RPLP1: variants seen among roughly 807,000 people sequenced by gnomAD.
The protein encoded by RPLP1 is large ribosomal subunit protein P1.
RPLP1 carries 4 observed loss-of-function variants against 11.6 expected under a neutral mutation model. The observed-to-expected ratio is 0.34, with a 90% CI of 0.17 to 0.79. RPLP1 has a LOEUF of 0.79. Ranked by LOEUF, RPLP1 falls within the 30% of genes least tolerant of loss-of-function variation. RPLP1 has a pLI of 0.55. For missense variants in RPLP1, 133 were observed against 142.8 expected (o/e 0.93, Z 0.35); for synonymous variants, 54 against 52.2 (o/e 1.03, Z -0.15).
In RPLP1 at chr15:69,452,952, G is replaced by A. The variant is rs11554447; in HGVS notation, c.4G>A (p.Ala2Thr). The A allele has an allele frequency of 6.3e-7, 1 of 1,576,402 alleles. No individual in the cohort carries two copies. The highest frequency in any genetic ancestry group is 1.4e-5 in the African/African-American group (1 of 73,780). The stretch of plus-strand genomic sequence containing the variant: ...CAGCCCTACACTCGCCCGCGCCATG[G>A]CCTCTGTCTCCGAGCTCGCCTGCAT... The part of the protein sequence containing the change: M[A>T]SVSELACIYS... Residue 2 changes from alanine to threonine, a missense_variant, in exon 1 of 4, where the codon GCC (alanine) becomes ACC (threonine). Ala to Thr is a moderately conservative substitution (Grantham distance 58). Coordinates refer to ENST00000260379, the MANE Select transcript of RPLP1 (RefSeq NM_001003.3).
At chr15:69,453,047 G>T (rs1200225390) in intron 1 of RPLP1, 27 bp downstream of exon 1, 3 of 1,546,122 alleles carry the variant, frequency 1.9e-6, no homozygotes, top group Admixed American at 3.9e-5. Flanking sequence ...GCCGGCGGCC[G>T]GGCTGCCTGT....
chr15:69,455,767 CTT>C lies in RPLP1; in HGVS notation c.*262_*263del. On this transcript the variant is annotated 3_prime_UTR_variant, in exon 4 of 4. Transcript: ENST00000260379. ...GCAGGAGGAAGGATCAGAGCAGATGCTTTGTCCAGGTTACCTGTGTAAACTTG... is the reference window on the plus strand; with the variant it reads ...GCAGGAGGAAGGATCAGAGCAGATGCTGTCCAGGTTACCTGTGTAAACTTG... The C allele has an allele frequency of 2.1e-6, 1 of 472,170 alleles. No individual in the cohort carries two copies. Among genetic ancestry groups the C allele is most frequent in the African/African-American group, 1.9e-5 (1 of 51,442 alleles). The allele number at this position is 472,170 out of a possible 1,614,324, so 29.2% of individuals were successfully genotyped here.
In RPLP1 at chr15:69,455,188, A is replaced by G. The variant is rs775980070; in HGVS notation, c.166A>G (p.Ile56Val). 2 of 1,597,138 alleles carry G rather than the reference A, an allele frequency of 1.3e-6. No homozygotes were observed. Among genetic ancestry groups the G allele is most frequent in the East Asian group, 2.2e-5 (1 of 44,666 alleles). ...LFAKALANVN[I>V]GSLICNVGAG... ...ATTGCAGGCCCTGGCCAACGTCAAC[A>G]TTGGGAGCCTCATCTGCAATGTAGG... Residue 56 changes from isoleucine to valine, a missense_variant, in exon 3 of 4, where the codon ATT (isoleucine) becomes GTT (valine). Coordinates refer to ENST00000260379, the MANE Select transcript of RPLP1 (RefSeq NM_001003.3).
At chr15:69,454,397 G>A (rs1315193465) in intron 2 of RPLP1, 1 of 152,314 alleles carries the variant, frequency 6.6e-6, no homozygotes, top group Non-Finnish European at 1.5e-5. Context: ...TGGGTTTAGC[G>A]GACTTCATTG....
At position 69,453,667 on chromosome 15, in the gene RPLP1, CATT is replaced by C. The variant is rs1892388151; in HGVS notation, c.95_97del (p.Ile32del). The C allele has an allele frequency of 6.2e-7, 1 of 1,613,990 alleles. No individual in the cohort carries two copies. Among genetic ancestry groups the C allele is most frequent in the African/African-American group, 1.3e-5 (1 of 74,920 alleles). ...TGTAGGAGGATAAGATCAATGCCCTCATTAAAGCAGCCGGTGTAAATGTTGAGC... is the reference window on the plus strand; with the variant it reads ...TGTAGGAGGATAAGATCAATGCCCTCAAAGCAGCCGGTGTAAATGTTGAGC... On this transcript the variant is annotated inframe_deletion, in exon 2 of 4. Transcript: ENST00000260379.
rs1436751951 is a variant in RPLP1 at position 69,452,823 on chromosome 15, T to C, written c.-126T>C. 8.1e-6 allele frequency: 7 copies of C among 867,160 alleles called. No homozygotes were observed. The highest frequency in any genetic ancestry group is 2.7e-5 in the East Asian group (1 of 37,570). 53.7% of individuals were successfully genotyped at this position (867,160 alleles called of 1,614,324 possible). A position where few individuals can be genotyped will look rare whatever the true frequency, so the allele number is the denominator to read the frequency against. On this transcript the variant is annotated 5_prime_UTR_variant, in exon 1 of 4. Coordinates refer to ENST00000260379, the MANE Select transcript of RPLP1 (RefSeq NM_001003.3). ...GCTGCGTATAGGCGCGAGAGCCCCT[T>C]TCCTCAGCTGCCGCCAAGGTGCTCG...
intron 2 of RPLP1, 178 bp downstream of exon 2, chr15:69,453,899 C>G (rs915881421): frequency 1.3e-5 from 8 of 613,680 alleles, no homozygotes; most frequent in East Asian, 2.8e-5. Context: ...TCAAGTCTTA[C>G]GTTTCCTTAT....
In RPLP1 at chr15:69,452,845, C is replaced by T. The variant is rs914639118; in HGVS notation, c.-104C>T. 4 of 1,085,602 alleles carry T rather than the reference C, an allele frequency of 3.7e-6. No individual in the cohort carries two copies. Among genetic ancestry groups the T allele is most frequent in the Admixed American group, 2.0e-5 (1 of 50,000 alleles). The allele number at this position is 1,085,602 out of a possible 1,614,324, so 67.2% of individuals were successfully genotyped here. A position where few individuals can be genotyped will look rare whatever the true frequency, so the allele number is the denominator to read the frequency against. On this transcript the variant is annotated 5_prime_UTR_variant, in exon 1 of 4. Transcript: ENST00000260379. ...CCTTTCCTCAGCTGCCGCCAAGGTGCTCGGTCCTTCCGAGGAAGCTAAGGC... is the reference window on the plus strand; with the variant it reads ...CCTTTCCTCAGCTGCCGCCAAGGTGTTCGGTCCTTCCGAGGAAGCTAAGGC...
At position 69,452,903 on chromosome 15, in the gene RPLP1, G is replaced by A; in HGVS notation, c.-46G>A. On this transcript the variant is annotated 5_prime_UTR_variant, in exon 1 of 4. Transcript: ENST00000260379. ...GGGTGAGGCCCTCACTTCATCCGGCGACTAGCACCGCGTCCGGCAGCGCCA... is the reference window on the plus strand; with the variant it reads ...GGGTGAGGCCCTCACTTCATCCGGCAACTAGCACCGCGTCCGGCAGCGCCA... 1 of 1,536,298 alleles carries A rather than the reference G, an allele frequency of 6.5e-7. No homozygotes were observed.
intron 1 of RPLP1, chr15:69,453,382 G>A: frequency 1.7e-6 from 1 of 583,204 alleles, no homozygotes; most frequent in Non-Finnish European, 3.0e-6. Flanking sequence ...AATTCCCCCG[G>A]TCGTGGAGGA....
chr15:69,453,229 G>T, intron 1 of RPLP1: 3 of 597,610 alleles, frequency 5.0e-6, no homozygotes, highest in East Asian at 2.8e-5. Context: ...GGCCCAGCGG[G>T]CATGGAGTGC....
chr15:69,453,037 G>C lies in RPLP1; in HGVS notation c.72+17G>C. The C allele has an allele frequency of 6.4e-7, 1 of 1,551,136 alleles. No homozygotes were observed. The highest frequency in any genetic ancestry group is 8.7e-7 in the Non-Finnish European group (1 of 1,148,652). The stretch of plus-strand genomic sequence containing the variant: ...ACAGTCACGGTGAGTGCGGGCGCGG[G>C]CCGGCGGCCGGGCTGCCTGTGGGCG... On this transcript the variant is annotated intron_variant, in intron 1 of 3. Coordinates refer to ENST00000260379, the MANE Select transcript of RPLP1 (RefSeq NM_001003.3).
chr15:69,453,637 T>C lies in RPLP1; in HGVS notation c.73-10T>C, dbSNP rs1377847679. The C allele has an allele frequency of 2.5e-6, 4 of 1,613,846 alleles. No homozygotes were observed. The African/African-American group carries it at 5.3e-5, about 22-fold the overall frequency. On this transcript the variant is annotated splice_polypyrimidine_tract_variant and intron_variant, in intron 1 of 3. Transcript: ENST00000260379. ...ACGTTTTGATGGATTGACGTTTTTA[T>C]TTGTTGTAGGAGGATAAGATCAATG...
chr15:69,453,094 T>C, intron 1 of RPLP1, 74 bp downstream of exon 1: 1 of 1,362,086 alleles, frequency 7.3e-7, no homozygotes. Context: ...GGTTCCCGGC[T>C]CCAGGCCGTT....
chr15:69,452,984 G>A lies in RPLP1; in HGVS notation c.36G>A (p.Ser12=), dbSNP rs931885025. Residue 12 remains serine (S), a synonymous_variant, in exon 1 of 4, where the codon TCG becomes TCA. Transcript: ENST00000260379. The part of the protein sequence containing the change: ...ASVSELACIY[S]ALILHDDEVT... ...TCTCCGAGCTCGCCTGCATCTACTCGGCCCTCATTCTGCACGACGATGAGG... is the reference window on the plus strand; with the variant it reads ...TCTCCGAGCTCGCCTGCATCTACTCAGCCCTCATTCTGCACGACGATGAGG... The A allele has an allele frequency of 1.3e-6, 2 of 1,578,576 alleles. No individual in the cohort carries two copies. Among genetic ancestry groups the A allele is most frequent in the Admixed American group, 3.6e-5 (2 of 55,558 alleles).
At chr15:69,453,164 C>T (rs1455709561) in intron 1 of RPLP1, 144 bp downstream of exon 1, 6 of 771,068 alleles carry the variant, frequency 7.8e-6, no homozygotes, top group Middle Eastern at 3.7e-4. Flanking sequence ...GGCGGGCGCT[C>T]CTCGGGGCTG....
intron 1 of RPLP1, chr15:69,453,435 A>T: frequency 1.6e-6 from 1 of 617,838 alleles, no homozygotes; most frequent in Non-Finnish European, 2.8e-6. Context: ...TTGTAACTTA[A>T]AAATAGCCGC....
At chr15:69,453,812 C>T (rs1892390512) in intron 2 of RPLP1, 91 bp downstream of exon 2, 8 of 1,283,702 alleles carry the variant, frequency 6.2e-6, no homozygotes, top group South Asian at 3.6e-5. Flanking sequence ...GGTGCCATAA[C>T]GCCCCACATG....
At chr15:69,453,572 A>G (rs938525545) in intron 1 of RPLP1, 75 bp from the exon 2 acceptor site, 1 of 1,463,510 alleles carries the variant, frequency 6.8e-7, no homozygotes, top group African/African-American at 1.4e-5. Flanking sequence ...ATGTACACTT[A>G]TTGAGTGACG....
Sources: allele counts gnomAD v4.1 joint callset, GRCh38; gene constraint gnomAD v4.1.1; transcripts MANE v1.5; gene names NCBI Gene and HGNC (gene_info 2026-07-23, HGNC 2026-07-21).